The following NAV3 variants were observed in gnomAD, a reference collection of about 807,000 sequenced individuals.
NAV3 encodes neuron navigator 3, also known as pore membrane and/or filament interacting like protein 1.
In NAV3, 87 loss-of-function variants were observed where a neutral mutation model predicts 244.7. That is an observed-to-expected ratio of 0.36 (90% CI 0.30 to 0.42). The LOEUF (loss-of-function observed/expected upper bound fraction) is 0.42, where lower values mean the gene tolerates loss of function less well. Ranked by LOEUF, NAV3 falls within the 20% of genes least tolerant of loss-of-function variation. The pLI, the probability that NAV3 is intolerant of heterozygous loss-of-function variation, is 1.00. For synonymous variants in NAV3, 1,126 were observed against 1,042.2 expected (o/e 1.08, Z -1.55); for missense variants, 2,663 against 2,893.3 (o/e 0.92, Z 1.83).
intron 2 of NAV3, among the ~76,000 whole-genome samples, chr12:77,823,101 G>A (rs1565827504): frequency 6.6e-6 from 1 of 152,294 alleles, no homozygotes; most frequent in Non-Finnish European, 1.5e-5. Context: ...AACTGTGCTA[G>A]TTGACTTCCT....
chr12:78,178,416 C>A (rs1958349000), intron 28 of NAV3, among the ~76,000 whole-genome samples: 1 of 152,044 alleles, frequency 6.6e-6, no homozygotes, highest in African/African-American at 2.4e-5. Context: ...CCACCTCGGC[C>A]TCCCAAAGTA....
At chr12:77,693,146 C>T (rs1208116007) in intron 2 of NAV3, among the ~76,000 whole-genome samples, 2 of 152,068 alleles carry the variant, frequency 1.3e-5, no homozygotes, top group African/African-American at 4.8e-5. Context: ...CTGACTTCTG[C>T]ATGACTATCT....
At chr12:77,588,050 T>C (rs547984500) in intron 2 of NAV3, among the ~76,000 whole-genome samples, 2 of 152,344 alleles carry the variant, frequency 1.3e-5, no homozygotes, top group African/African-American at 4.8e-5. Flanking sequence ...TAAACATTTA[T>C]TTGTGCACAT....
At chr12:77,748,810 G>A (rs1252418074) in intron 2 of NAV3, among the ~76,000 whole-genome samples, 1 of 152,148 alleles carries the variant, frequency 6.6e-6, no homozygotes, top group Non-Finnish European at 1.5e-5. Context: ...GTACAGCATG[G>A]TGACTCTAGT....
intron 9 of NAV3, chr12:78,037,297 G>A (rs1336066461): frequency 1.4e-5 from 10 of 702,894 alleles, no homozygotes; most frequent in Non-Finnish European, 2.6e-5. Context: ...GGAGAAAGCT[G>A]TTTGCGGGAA....
rs146960285 is a variant in NAV3 at position 77,800,318 on chromosome 12, G to A, written c.73-140001G>A. The stretch of plus-strand genomic sequence containing the variant: ...TGGAACATAAAACTCATTTTCCAAA[G>A]CTAAAGATCTGAGGGTTTTTAAACC... On this transcript the variant is annotated intron_variant, in intron 2 of 8. Transcript: ENST00000550042. 3.9e-4 allele frequency among the ~76,000 whole-genome samples: 60 copies of A among 152,274 alleles called. No homozygotes were observed. The East Asian group carries it at 6.0e-3, about 15-fold the overall frequency.
Position 78,119,451 on chromosome 12 carries a change from C to T in NAV3, c.3255C>T (p.Thr1085=), listed in dbSNP as rs754415120. The change falls in exon 15 of 40, where the codon ACC becomes ACT. Residue 1085 remains threonine, a synonymous_variant. Transcript: ENST00000397909. ...SSAMITSSGA[T]ITSGSATLGK... ...CCATGATCACCAGCAGTGGAGCAAC[C>T]ATAACAAGTGGCTCTGCAACACTGG... 1.9e-6 allele frequency: 3 copies of T among 1,614,042 alleles called. No individual in the cohort carries two copies. The African/African-American group carries it at 4.0e-5, about 22-fold the overall frequency.
intron 2 of NAV3, among the ~76,000 whole-genome samples, chr12:77,820,661 C>A (rs1247581019): frequency 1.3e-5 from 2 of 152,016 alleles, no homozygotes; most frequent in African/African-American, 2.4e-5. Flanking sequence ...AAAAACATGA[C>A]CATTGCATAT....
At chr12:77,812,035 G>A (rs1269737195) in intron 2 of NAV3, among the ~76,000 whole-genome samples, 1 of 152,140 alleles carries the variant, frequency 6.6e-6, no homozygotes, top group Non-Finnish European at 1.5e-5. Flanking sequence ...TATAAGCATA[G>A]ATAATTTTAT....
intron 2 of NAV3, among the ~76,000 whole-genome samples, chr12:77,584,549 A>T (rs1385362125): frequency 6.6e-6 from 1 of 152,164 alleles, no homozygotes; most frequent in Admixed American, 6.5e-5. Context: ...GAAGGGCAGA[A>T]CTTTCAAAGG....
At chr12:78,048,558 G>T (rs1416560807) in intron 9 of NAV3, among the ~76,000 whole-genome samples, 2 of 152,214 alleles carry the variant, frequency 1.3e-5, no homozygotes, top group Non-Finnish European at 2.9e-5. Context: ...CTGCAGAACA[G>T]CAAAGATTGC....
At position 78,197,386 on chromosome 12, in the gene NAV3, G is replaced by C; in HGVS notation, c.6431G>C (p.Cys2144Ser). Residue 2144 changes from cysteine (C) to serine (S), a missense_variant, in exon 35 of 40, where the codon TGT (cysteine) becomes TCT (serine). Around this residue, in one of 6 missense-constraint regions of NAV3, gnomAD observed 543 missense variants for 672.4 expected, o/e 0.81. Coordinates refer to ENST00000397909, the MANE Select transcript of NAV3 (RefSeq NM_001024383.2). Reference protein sequence around the residue: ...LSDIFNGFLNCKYNKCPYIIG... With the variant: ...LSDIFNGFLNSKYNKCPYIIG... ...GATATCTTCAATGGTTTTCTCAATT[G>C]TAAATACAACAAATGGTATGCTTAT... 6.3e-7 allele frequency: 1 copy of C among 1,595,400 alleles called. No homozygotes were observed. Among genetic ancestry groups the C allele is most frequent in the Non-Finnish European group, 8.5e-7 (1 of 1,170,334 alleles).
Position 77,805,331 on chromosome 12 carries a change from G to T in NAV3, c.73-134988G>T, listed in dbSNP as rs146886771. On this transcript the variant is annotated intron_variant, in intron 2 of 8. Coordinates refer to the NAV3 transcript ENST00000550042. ...TCATAAACAGCTTTTATTAGTTTGA[G>T]ATATGTTCCATCAATACCTAGTTTA... 2.6e-4 allele frequency among the ~76,000 whole-genome samples: 39 copies of T among 152,272 alleles called. No homozygotes were observed. The East Asian group carries it at 6.6e-3, about 26-fold the overall frequency.
intron 2 of NAV3, among the ~76,000 whole-genome samples, chr12:77,588,287 T>A (rs188913547): frequency 7.5e-4 from 106 of 141,900 alleles, no homozygotes; most frequent in African/African-American, 2.1e-3. Flanking sequence ...CTGATTTTTT[T>A]ATTTTTTTTT....
At chr12:78,120,371 T>C (rs1955618957) in intron 15 of NAV3, among the ~76,000 whole-genome samples, 1 of 152,240 alleles carries the variant, frequency 6.6e-6, no homozygotes, top group South Asian at 2.1e-4. Context: ...TCTTGCTGGC[T>C]CTTAATGAGT....
intron 9 of NAV3, among the ~76,000 whole-genome samples, chr12:78,045,548 C>T (rs1418938194): frequency 6.6e-6 from 1 of 152,188 alleles, no homozygotes; most frequent in Non-Finnish European, 1.5e-5. Context: ...CCACCTCAGC[C>T]TCCCAAAGTG....
chr12:77,703,919 T>A (rs974083179), intron 2 of NAV3, among the ~76,000 whole-genome samples: 1 of 152,188 alleles, frequency 6.6e-6, no homozygotes, highest in Non-Finnish European at 1.5e-5. Flanking sequence ...TTAATATGAC[T>A]CCTGGCTTAC....
intron 8 of NAV3, among the ~76,000 whole-genome samples, chr12:78,008,676 G>A (rs901489913): frequency 2.7e-5 from 4 of 145,462 alleles, no homozygotes; most frequent in Admixed American, 6.7e-5. Flanking sequence ...AATGAGGAAT[G>A]TAAGTGCTTT....
In NAV3 at chr12:77,911,639, G is replaced by A. The variant is rs1201345021; in HGVS notation, c.244-28680G>A. On this transcript the variant is annotated intron_variant, in intron 1 of 39. Transcript: ENST00000397909. ...ACTTAAAAATACCTACAGATGGATG[G>A]AGTGAAAAATTACTCATAAGAGTTT... Among the ~76,000 whole-genome samples the A allele has an allele frequency of 3.9e-4, 59 of 152,004 alleles. 1 individual carries two copies. Among genetic ancestry groups the A allele is most frequent in the Admixed American group, 3.9e-3 (59 of 15,252 alleles).
Sources: gnomAD v4.1 joint callset for allele counts (sites outside exome capture counted in the v4.1 genomes callset) on GRCh38, gnomAD v4.1.1 for gene constraint, gnomAD v4.1.1 regional missense constraint, MANE v1.5 for transcripts, NCBI Gene and HGNC (gene_info 2026-07-23, HGNC 2026-07-21) for gene names.